Variants in LRBA observed in about 807,000 individuals in gnomAD.
The protein encoded by LRBA is lipopolysaccharide-responsive and beige-like anchor protein.
A neutral mutation model predicts 330.0 loss-of-function variants in LRBA; 176 were observed. That is an observed-to-expected ratio of 0.53 (90% CI 0.47 to 0.60). LRBA has a LOEUF of 0.60. Among genes scored for constraint, LRBA ranks in the 20% least tolerant of loss-of-function variants. The probability of loss-of-function intolerance (pLI) is 0.00; values close to 1 mark genes in which losing one functional copy is unlikely to be tolerated. For synonymous variants in LRBA, 1,230 were observed against 1,193.0 expected, an observed-to-expected ratio of 1.03 and a Z score of -0.64; for missense variants, 3,259 against 3,444.8, an observed-to-expected ratio of 0.95 and a Z score of 1.35.
chr4:150,399,748 C>T (rs1167531956), intron 47 of LRBA, among the ~76,000 whole-genome samples: 2 of 152,082 alleles, frequency 1.3e-5, no homozygotes, highest in African/African-American at 4.8e-5. Context: ...GGTGGGATTA[C>T]AGCACTTGAG....
chr4:150,449,158 G>T (rs1012869967), intron 44 of LRBA, among the ~76,000 whole-genome samples: 2 of 152,062 alleles, frequency 1.3e-5, no homozygotes, highest in African/African-American at 2.4e-5. Flanking sequence ...TTGCACATGG[G>T]GAAAGAGTAC....
At position 150,491,006 on chromosome 4, in the gene LRBA, T is replaced by C. The variant is rs1360165582; in HGVS notation, c.6360A>G (p.Gly2120=). The C allele has an allele frequency of 1.2e-6, 2 of 1,606,616 alleles. No individual in the cohort carries two copies. The highest frequency in any genetic ancestry group is 2.7e-5 in the African/African-American group (2 of 74,792). Reference sequence around the variant, plus strand: ...ATCGTATCTCTGTGAACAGCCATTTTCCATGCAGCCCTTCTGTATATGCCA... The same window carrying C: ...ATCGTATCTCTGTGAACAGCCATTTCCCATGCAGCCCTTCTGTATATGCCA... The part of the protein sequence containing the change: ...KILAYTEGLH[G]KWLFTEIRSI... Residue 2120 remains glycine, a synonymous_variant, in exon 41 of 57, where the codon GGA becomes GGG. Coordinates refer to ENST00000651943, the MANE Select transcript of LRBA (RefSeq NM_001364905.1).
intron 37 of LRBA, among the ~76,000 whole-genome samples, chr4:150,659,171 G>A (rs1299466106): frequency 2.3e-5 from 3 of 128,584 alleles, no homozygotes; most frequent in African/African-American, 8.3e-5. Flanking sequence ...TCTCTGCCTG[G>A]CCGCCCATCG....
At chr4:150,763,024 G>A (rs192212389) in intron 34 of LRBA, among the ~76,000 whole-genome samples, 29 of 151,824 alleles carry the variant, frequency 1.9e-4, no homozygotes, top group African/African-American at 6.8e-4. Flanking sequence ...AACCCAAGGT[G>A]GTTCTTAAGA....
rs180830886 is a variant in LRBA at position 150,537,970 on chromosome 4, C to A, written c.6331-46935G>T. 1.1e-3 allele frequency among the ~76,000 whole-genome samples: 170 copies of A among 151,660 alleles called. 1 individual carries two copies. Among genetic ancestry groups the A allele is most frequent in the African/African-American group, 4.0e-3 (166 of 41,388 alleles). ...ACTCTGTCTCAAAAAAAAAAGCGAA[C>A]AAAAGACATTGAACAGAAGCTTCTC... On this transcript the variant is annotated intron_variant, in intron 40 of 56. Transcript: ENST00000651943.
chr4:150,973,741 C>A (rs1340567439), intron 2 of LRBA, among the ~76,000 whole-genome samples: 1 of 152,112 alleles, frequency 6.6e-6, no homozygotes, highest in Non-Finnish European at 1.5e-5. Context: ...GCCTGTAACC[C>A]CAGCACTTCA....
chr4:150,917,161 A>AT lies in LRBA; in HGVS notation c.646-424_646-423insA, dbSNP rs1178068514. 4.3e-3 allele frequency among the ~76,000 whole-genome samples: 630 copies of AT among 146,052 alleles called. 20 individuals carry two copies. In the East Asian group the frequency reaches 0.085, roughly 20 times the overall value. ...GAGCAAGACTCCATCTCAAAAAAAA[A>AT]AATATATATATATCTGAAAGAAGAC... is the stretch of plus-strand genomic sequence containing the variant. On this transcript the variant is annotated intron_variant, in intron 5 of 56. Transcript: ENST00000651943.
chr4:150,457,881 TAATA>T lies in LRBA; in HGVS notation c.6780+9788_6780+9791del, dbSNP rs201380874. Among the ~76,000 whole-genome samples the T allele has an allele frequency of 1.6e-3, 241 of 152,032 alleles. 4 individuals carry two copies. The East Asian group carries it at 0.034, about 21-fold the overall frequency. On this transcript the variant is annotated intron_variant, in intron 44 of 56. Transcript: ENST00000651943. The stretch of plus-strand genomic sequence containing the variant: ...AATAAAACAATTCATTTATAAATAA[TAATA>T]AATAGTCACTCCACATCACAGTAAC...
In LRBA at chr4:150,386,000, G is replaced by GA. The variant is rs539911715; in HGVS notation, c.7194+29437dup. ...GATACTTAGAGGAACAAACAGCCTG[G>GA]AAAAAACACTGCCATCTTTCTACTG... On this transcript the variant is annotated intron_variant, in intron 47 of 56. Coordinates refer to ENST00000651943, the MANE Select transcript of LRBA (RefSeq NM_001364905.1). Among the ~76,000 whole-genome samples, 21 of 152,170 alleles carry GA rather than the reference G, an allele frequency of 1.4e-4. No individual in the cohort carries two copies. The South Asian group carries it at 3.9e-3, about 29-fold the overall frequency.
intron 48 of LRBA, among the ~76,000 whole-genome samples, chr4:150,348,791 T>C (rs141280859): frequency 1.3e-5 from 2 of 152,290 alleles, no homozygotes; most frequent in Non-Finnish European, 2.9e-5. Flanking sequence ...AATAGGCCTA[T>C]GCTATTTTAT....
chr4:150,639,767 ATATATATATATATATG>A (rs1332350159), intron 37 of LRBA, among the ~76,000 whole-genome samples: 417 of 6,742 alleles, frequency 0.062, 36 homozygotes, highest in African/African-American at 0.11. Flanking sequence ...ATATATATAT[ATATATATATATATATG>A]TGTGTGTGTA....
At chr4:150,813,634 GATT>G (rs1303702051) in intron 31 of LRBA, among the ~76,000 whole-genome samples, 9 of 152,122 alleles carry the variant, frequency 5.9e-5, no homozygotes, top group African/African-American at 1.7e-4. Flanking sequence ...CTGTTTCTGT[GATT>G]ATTATCTATC....
At chr4:150,282,020 T>A (rs1451626736) in intron 55 of LRBA, among the ~76,000 whole-genome samples, 1 of 152,178 alleles carries the variant, frequency 6.6e-6, no homozygotes, top group Non-Finnish European at 1.5e-5. Context: ...ACCTAAATAG[T>A]CATAATCCCT....
chr4:150,922,394 G>GTATATATATATATATATATATATATATA (rs56340108), intron 4 of LRBA, among the ~76,000 whole-genome samples: 2 of 139,734 alleles, frequency 1.4e-5, no homozygotes, highest in African/African-American at 5.2e-5. Context: ...AGAAACTGTG[G>GTATATATATATATATATATATATATATA]TATATATATA....
At chr4:150,703,860 A>C (rs555384590) in intron 36 of LRBA, among the ~76,000 whole-genome samples, 1 of 152,170 alleles carries the variant, frequency 6.6e-6, no homozygotes, top group South Asian at 2.1e-4. Context: ...AGCCCAAAAA[A>C]AAAAAAGAAC....
Position 151,014,873 on chromosome 4 carries a change from T to C in LRBA, c.-219-12A>G, listed in dbSNP as rs1349744737. The stretch of plus-strand genomic sequence containing the variant: ...AACAACGCCAAACCCTATTGGAAGA[T>C]TAAATATATGTTAAATAGGCTAGGT... On this transcript the variant is annotated splice_polypyrimidine_tract_variant and intron_variant, in intron 1 of 56. Coordinates refer to ENST00000651943, the MANE Select transcript of LRBA (RefSeq NM_001364905.1). 1 of 506,690 alleles carries C rather than the reference T, an allele frequency of 2.0e-6. No individual in the cohort carries two copies. The highest frequency in any genetic ancestry group is 3.5e-6 in the Non-Finnish European group (1 of 285,524). The allele number at this position is 506,690 out of a possible 1,614,324, so 31.4% of individuals were successfully genotyped here. A position where few individuals can be genotyped will look rare whatever the true frequency, so the allele number is the denominator to read the frequency against.
At chr4:150,499,872 C>T (rs1463282302) in intron 40 of LRBA, among the ~76,000 whole-genome samples, 1 of 151,870 alleles carries the variant, frequency 6.6e-6, no homozygotes, top group Non-Finnish European at 1.5e-5. Context: ...CAAAAGCCCT[C>T]CCTAAAAAAG....
At chr4:150,584,302 GC>G in intron 40 of LRBA, 1 of 521,306 alleles carries the variant, frequency 1.9e-6, no homozygotes, top group Non-Finnish European at 3.2e-6. Flanking sequence ...TCACATTCTT[GC>G]ACAAAAGTGA....
At chr4:150,587,790 C>T (rs891554016) in intron 40 of LRBA, among the ~76,000 whole-genome samples, 3 of 152,024 alleles carry the variant, frequency 2.0e-5, no homozygotes, top group Non-Finnish European at 2.9e-5. Flanking sequence ...ACAATGTTCT[C>T]GGAGGTTCCT....
Sources: gnomAD v4.1 joint callset for allele counts (sites outside exome capture counted in the v4.1 genomes callset) on GRCh38, gnomAD v4.1.1 for gene constraint, MANE v1.5 for transcripts, NCBI Gene and HGNC (gene_info 2026-07-23, HGNC 2026-07-21) for gene names.